The following ZNF248 variants were observed in gnomAD, a reference collection of about 807,000 sequenced individuals.
ZNF248 encodes the protein KRAB protein domain.
ZNF248 carries 20 observed loss-of-function variants against 44.3 expected under a neutral mutation model. The ratio of observed to expected loss-of-function variants is 0.45; its 90% CI spans 0.32 to 0.66. ZNF248 has a LOEUF of 0.66. Ranked by LOEUF, ZNF248 falls within the 30% of genes least tolerant of loss-of-function variation. The pLI, the probability that ZNF248 is intolerant of heterozygous loss-of-function variation, is 0.04. For missense variants in ZNF248, 654 were observed against 677.0 expected (o/e 0.97, Z 0.38); for synonymous variants, 224 against 229.0 (o/e 0.98, Z 0.20).
Position 37,829,773 on chromosome 10 carries a change from T to G in ZNF248, c.*1842A>C. On this transcript the variant is annotated 3_prime_UTR_variant, in exon 6 of 6. Coordinates refer to ENST00000395867, the MANE Select transcript of ZNF248 (RefSeq NM_021045.3). The stretch of plus-strand genomic sequence containing the variant: ...GTCTCTTCTCATGTCATGACAATGT[T>G]GTATCAAGGAGATCTTTCCCAGAAG... 1.0e-6 allele frequency: 1 copy of G among 985,424 alleles called. No homozygotes were observed. Among genetic ancestry groups the G allele is most frequent in the Non-Finnish European group, 1.2e-6 (1 of 829,926 alleles). 61.0% of individuals were successfully genotyped at this position (985,424 alleles called of 1,614,324 possible).
downstream of ZNF248, among the ~76,000 whole-genome samples, chr10:37,827,461 A>G (rs1342219617): frequency 4.6e-5 from 7 of 152,196 alleles, no homozygotes; most frequent in African/African-American, 9.6e-5. Flanking sequence ...CTCACCTACC[A>G]AAGTATCTGA....
intron 3 of ZNF248, among the ~76,000 whole-genome samples, chr10:37,850,035 C>T (rs1309484387): frequency 6.6e-6 from 1 of 152,100 alleles, no homozygotes; most frequent in Non-Finnish European, 1.5e-5. Context: ...CACACCACTG[C>T]ACCCCAGCCT....
downstream of ZNF248, chr10:37,776,124 A>T (rs2046566005): frequency 1.3e-5 from 2 of 153,502 alleles, no homozygotes; most frequent in Non-Finnish European, 2.9e-5. Flanking sequence ...GCAGCTCAGA[A>T]TCTGGACAAA....
chr10:37,819,982 A>G (rs2053193987), intron 6 of ZNF248: 1 of 772,320 alleles, frequency 1.3e-6, no homozygotes, highest in Non-Finnish European at 2.4e-6. Flanking sequence ...GCGGTCTTGC[A>G]TGCTCTTATC....
chr10:37,809,456 T>G (rs1014412632), intron 6 of ZNF248, among the ~76,000 whole-genome samples: 2 of 152,124 alleles, frequency 1.3e-5, no homozygotes, highest in Non-Finnish European at 2.9e-5. Context: ...TTTTGTATTT[T>G]TAGTAGAGAC....
chr10:37,825,782 A>AC (rs2133755059), downstream of ZNF248, among the ~76,000 whole-genome samples: 1 of 151,568 alleles, frequency 6.6e-6, no homozygotes, highest in South Asian at 2.1e-4. Flanking sequence ...ATCCATACAG[A>AC]CCTCCTGGAG....
At chr10:37,838,820 T>C (rs1264356518) in intron 3 of ZNF248, among the ~76,000 whole-genome samples, 3 of 152,058 alleles carry the variant, frequency 2.0e-5, no homozygotes, top group Non-Finnish European at 2.9e-5. Context: ...AAATGAATTA[T>C]AATTAATATG....
At chr10:37,810,710 A>G (rs576480119) in intron 6 of ZNF248, among the ~76,000 whole-genome samples, 7 of 152,218 alleles carry the variant, frequency 4.6e-5, no homozygotes, top group African/African-American at 1.7e-4. Flanking sequence ...CTAGAAATAC[A>G]CAAATTTCCT....
intron 3 of ZNF248, among the ~76,000 whole-genome samples, chr10:37,841,282 CTTGTT>C (rs2058296521): frequency 6.6e-6 from 1 of 152,096 alleles, no homozygotes; most frequent in Admixed American, 6.5e-5. Flanking sequence ...ATAGCCTGCT[CTTGTT>C]TTATGTGATG....
chr10:37,823,266 G>T (rs746415989), intron 6 of ZNF248, among the ~76,000 whole-genome samples: 1 of 147,302 alleles, frequency 6.8e-6, no homozygotes, highest in African/African-American at 2.5e-5. Context: ...CCTGGGAGGC[G>T]GAGGTTGCAG....
intron 6 of ZNF248, among the ~76,000 whole-genome samples, chr10:37,799,632 C>T (rs955332057): frequency 6.6e-6 from 1 of 152,040 alleles, no homozygotes; most frequent in Non-Finnish European, 1.5e-5. Flanking sequence ...GGTTAGGATG[C>T]CAGCTTACAC....
chr10:37,835,978 C>T (rs2057082548), intron 5 of ZNF248, among the ~76,000 whole-genome samples: 1 of 152,138 alleles, frequency 6.6e-6, no homozygotes, highest in Admixed American at 6.5e-5. Flanking sequence ...TGATAACTCC[C>T]TTATATGTCT....
chr10:37,820,895 A>T, intron 6 of ZNF248: 1 of 1,389,662 alleles, frequency 7.2e-7, no homozygotes. Flanking sequence ...TTCCTCTTCT[A>T]GTTTTCCTTA....
At chr10:37,809,305 T>G (rs543762751) in intron 6 of ZNF248, among the ~76,000 whole-genome samples, 54 of 152,078 alleles carry the variant, frequency 3.6e-4, no homozygotes, top group South Asian at 8.3e-4. Context: ...TGAGACGGAG[T>G]CTAGTTCTGT....
chr10:37,800,367 T>C (rs967471787), intron 6 of ZNF248, among the ~76,000 whole-genome samples: 10 of 152,206 alleles, frequency 6.6e-5, no homozygotes, highest in African/African-American at 1.7e-4. Context: ...GAATATATAG[T>C]ATTTGGTTTT....
chr10:37,788,225 G>A (rs540159199), intron 6 of ZNF248, among the ~76,000 whole-genome samples: 92 of 137,014 alleles, frequency 6.7e-4, no homozygotes, highest in East Asian at 2.2e-3. Flanking sequence ...AGATCGTGCC[G>A]CTGCACCCTA....
intron 6 of ZNF248, among the ~76,000 whole-genome samples, chr10:37,801,934 C>T (rs1332331152): frequency 1.3e-5 from 2 of 152,156 alleles, no homozygotes; most frequent in South Asian, 2.1e-4. Flanking sequence ...TTTTAATCTC[C>T]TGAAAGACTT....
intron 6 of ZNF248, among the ~76,000 whole-genome samples, chr10:37,813,891 ACC>A (rs2051982497): frequency 6.6e-6 from 1 of 152,090 alleles, no homozygotes; most frequent in Non-Finnish European, 1.5e-5. Flanking sequence ...TTCACTTTTA[ACC>A]CGTTAGTGTC....
chr10:37,780,749 C>A (rs1044091900), intron 6 of ZNF248, among the ~76,000 whole-genome samples: 1 of 152,132 alleles, frequency 6.6e-6, no homozygotes, highest in Non-Finnish European at 1.5e-5. Flanking sequence ...CACCCTCCGA[C>A]TCACAGGGAC....
Sources: allele counts gnomAD v4.1 joint callset (sites outside exome capture counted in the v4.1 genomes callset), GRCh38; gene constraint gnomAD v4.1.1; transcripts MANE v1.5; gene names NCBI Gene and HGNC (gene_info 2026-07-23, HGNC 2026-07-21).